RASEF: variants seen among roughly 807,000 people sequenced by gnomAD.
RASEF encodes the protein ras and EF-hand domain-containing protein.
RASEF carries 68 observed loss-of-function variants against 90.1 expected under a neutral mutation model. The observed-to-expected ratio is 0.75, with a 90% CI of 0.62 to 0.92. The LOEUF (loss-of-function observed/expected upper bound fraction) is 0.92. Among genes scored for constraint, RASEF ranks in the 40% least tolerant of loss-of-function variants. The probability of loss-of-function intolerance (pLI) is 0.00; values close to 1 mark genes in which losing one functional copy is unlikely to be tolerated. For missense variants in RASEF, 949 were observed against 937.2 expected (o/e 1.01, Z -0.16); for synonymous variants, 331 against 345.2 (o/e 0.96, Z 0.46).
At chr9:83,114,722 T>A in the RASEF span, among the ~76,000 whole-genome samples, 1 of 152,166 alleles carries the variant, frequency 6.6e-6, no homozygotes, top group Non-Finnish European at 1.5e-5. Flanking sequence ...CCCAGGCTTA[T>A]TAGGACAAAG....
rs1371629259 is a variant in RASEF at position 82,982,388 on chromosome 9, T to C, written c.*289A>G. On this transcript the variant is annotated 3_prime_UTR_variant, in exon 17 of 17. Coordinates refer to ENST00000376447, the MANE Select transcript of RASEF (RefSeq NM_152573.4). ...ACAGCTTTGATCTGAGCATGTGATT[T>C]CTTTTCTTTTCTTTTTTTTTACCAT... 1 of 44,080 alleles carries C rather than the reference T, an allele frequency of 2.3e-5. No homozygotes were observed. Among genetic ancestry groups the C allele is most frequent in the African/African-American group, 9.3e-5 (1 of 10,710 alleles). The allele number at this position is 44,080 out of a possible 1,614,324, so 2.7% of individuals were successfully genotyped here. A position where few individuals can be genotyped will look rare whatever the true frequency, so the allele number is the denominator to read the frequency against.
At chr9:83,163,510 T>C in the RASEF span, among the ~76,000 whole-genome samples, 29 of 151,904 alleles carry the variant, frequency 1.9e-4, no homozygotes, top group Non-Finnish European at 3.8e-4. Flanking sequence ...ATGGGCAACA[T>C]AAACAAGAAG....
chr9:83,035,301 T>C (rs1829719941), intron 1 of RASEF, among the ~76,000 whole-genome samples: 1 of 152,212 alleles, frequency 6.6e-6, no homozygotes, highest in Non-Finnish European at 1.5e-5. Context: ...ATGAATAAGT[T>C]TGGCTGTGTT....
chr9:83,163,278 A>T, the RASEF span, among the ~76,000 whole-genome samples: 1 of 152,206 alleles, frequency 6.6e-6, no homozygotes, highest in Non-Finnish European at 1.5e-5. Flanking sequence ...TCACCACATG[A>T]CTAAAGGCAT....
chr9:83,066,819 C>T (rs959791743), upstream of RASEF, among the ~76,000 whole-genome samples: 24 of 152,158 alleles, frequency 1.6e-4, no homozygotes, highest in Non-Finnish European at 1.2e-4. Flanking sequence ...GCTGTTTGAT[C>T]GAATATTTCC....
chr9:83,075,454 C>T, the RASEF span, among the ~76,000 whole-genome samples: 1,352 of 152,236 alleles, frequency 8.9e-3, 21 homozygotes, highest in African/African-American at 0.031. Flanking sequence ...CAGTTATGCT[C>T]ATTTTAATGT....
the RASEF span, among the ~76,000 whole-genome samples, chr9:83,093,398 G>A: frequency 6.6e-6 from 1 of 152,344 alleles, no homozygotes; most frequent in African/African-American, 2.4e-5. Flanking sequence ...TGGAGGGGGT[G>A]GGAGGCTCAG....
At chr9:83,168,959 G>A in the RASEF span, among the ~76,000 whole-genome samples, 1 of 151,760 alleles carries the variant, frequency 6.6e-6, no homozygotes, top group Non-Finnish European at 1.5e-5. Context: ...GTTTTCTTGT[G>A]CTCATTAACC....
At chr9:83,200,833 A>G in the RASEF span, 1 of 152,200 alleles carries the variant, frequency 6.6e-6, no homozygotes, top group Non-Finnish European at 1.5e-5. Flanking sequence ...GGATTTACTC[A>G]GATTACCAAG....
chr9:83,088,855 C>T, the RASEF span, among the ~76,000 whole-genome samples: 1 of 151,854 alleles, frequency 6.6e-6, no homozygotes, highest in Non-Finnish European at 1.5e-5. Flanking sequence ...AGAGTTGTAT[C>T]ATTTTTATCC....
At chr9:83,186,955 A>G in the RASEF span, among the ~76,000 whole-genome samples, 3 of 152,154 alleles carry the variant, frequency 2.0e-5, no homozygotes, top group Admixed American at 6.5e-5. Context: ...ACGATCTGCA[A>G]ACTAACCAAC....
At chr9:83,203,274 CTT>C in the RASEF span, among the ~76,000 whole-genome samples, 2 of 146,848 alleles carry the variant, frequency 1.4e-5, no homozygotes, top group Non-Finnish European at 1.5e-5. Context: ...TATTTCAGTC[CTT>C]TTTTTTTTTC....
chr9:83,043,833 G>C (rs1389540557), intron 1 of RASEF, among the ~76,000 whole-genome samples: 1 of 152,066 alleles, frequency 6.6e-6, no homozygotes, highest in African/African-American at 2.4e-5. Context: ...AAACTATTCA[G>C]GGATTCTGTT....
chr9:83,106,162 G>T, the RASEF span, among the ~76,000 whole-genome samples: 1 of 152,082 alleles, frequency 6.6e-6, no homozygotes, highest in Admixed American at 6.6e-5. Flanking sequence ...CTCCGGAAAT[G>T]CTGCTCCATA....
chr9:83,190,269 C>A, the RASEF span, among the ~76,000 whole-genome samples: 1 of 152,106 alleles, frequency 6.6e-6, no homozygotes, highest in Admixed American at 6.5e-5. Context: ...ACAATATAAG[C>A]CGGATGGAAA....
the RASEF span, among the ~76,000 whole-genome samples, chr9:83,129,786 G>T: frequency 6.6e-6 from 1 of 152,174 alleles, no homozygotes; most frequent in Non-Finnish European, 1.5e-5. Context: ...TCCAAGTAGG[G>T]TTGCAGATGA....
intron 1 of RASEF, among the ~76,000 whole-genome samples, chr9:83,047,649 A>G (rs1339503021): frequency 6.6e-6 from 1 of 152,204 alleles, no homozygotes; most frequent in Non-Finnish European, 1.5e-5. Flanking sequence ...ACCTGGAAGT[A>G]GAAAATATTA....
chr9:83,155,054 C>T, the RASEF span, among the ~76,000 whole-genome samples: 2 of 152,172 alleles, frequency 1.3e-5, no homozygotes, highest in African/African-American at 4.8e-5. Context: ...ACAAGAGGCA[C>T]AGCCAAGGGA....
At position 83,013,460 on chromosome 9, in the gene RASEF, C is replaced by T. The variant is rs532805237; in HGVS notation, c.766-949G>A. Among the ~76,000 whole-genome samples the T allele has an allele frequency of 1.2e-3, 178 of 152,334 alleles. 2 individuals carry two copies. In the South Asian group the frequency reaches 0.035, roughly 30 times the overall value. Reference sequence around the variant, plus strand: ...GACTGAGAAAAGCCATCGATTTAAACACGCATTTTGACTTCAGAGAAGAAA... The same window carrying T: ...GACTGAGAAAAGCCATCGATTTAAATACGCATTTTGACTTCAGAGAAGAAA... On this transcript the variant is annotated intron_variant, in intron 4 of 16. Transcript: ENST00000376447.
Sources: allele counts gnomAD v4.1 joint callset (sites outside exome capture counted in the v4.1 genomes callset), GRCh38; gene constraint gnomAD v4.1.1; transcripts MANE v1.5; gene names NCBI Gene and HGNC (gene_info 2026-07-23, HGNC 2026-07-21).